The following LRP1B variants were observed in gnomAD, a reference collection of about 807,000 sequenced individuals.
LRP1B encodes low-density lipoprotein receptor-related protein 1B.
In LRP1B, 217 loss-of-function variants were observed where a neutral mutation model predicts 556.6. That is an observed-to-expected ratio of 0.39 (90% CI 0.35 to 0.44). The LOEUF is 0.44. LRP1B is among the 20% of genes least tolerant of loss of function. The probability of loss-of-function intolerance (pLI) is 1.00; values close to 1 mark genes in which losing one functional copy is unlikely to be tolerated. For missense variants in LRP1B, 5,053 were observed against 5,620.8 expected, an observed-to-expected ratio of 0.90 and a Z score of 3.23; for synonymous variants, 2,047 against 1,865.8, an observed-to-expected ratio of 1.10 and a Z score of -2.50.
chr2:140,457,766 C>T, intron 60 of LRP1B, 115 bp from the exon 61 acceptor site: 2 of 792,114 alleles, frequency 2.5e-6, no homozygotes, highest in Non-Finnish European at 4.0e-6. Flanking sequence ...TGAATAATTG[C>T]TGTGACAACC....
At chr2:141,654,287 A>C (rs1365171492) in intron 2 of LRP1B, among the ~76,000 whole-genome samples, 1 of 152,176 alleles carries the variant, frequency 6.6e-6, no homozygotes, top group Non-Finnish European at 1.5e-5. Context: ...CCCTTTGTAA[A>C]GTGTTTTACA....
intron 1 of LRP1B, among the ~76,000 whole-genome samples, chr2:142,105,648 T>C (rs1199660753): frequency 6.6e-6 from 1 of 152,178 alleles, no homozygotes; most frequent in Non-Finnish European, 1.5e-5. Flanking sequence ...GTAGAGAAAA[T>C]TAATTAGCAC....
rs1181060336 is a variant in LRP1B at position 140,336,729 on chromosome 2, T to C, written c.11893-891A>G. On this transcript the variant is annotated intron_variant, in intron 77 of 90. Coordinates refer to ENST00000389484, the MANE Select transcript of LRP1B (RefSeq NM_018557.3). Reference sequence around the variant, plus strand: ...GGATTATCTTAACATTCTGTTTTACTGTATTACTGTGAGACAAAGGTAGCA... The same window carrying C: ...GGATTATCTTAACATTCTGTTTTACCGTATTACTGTGAGACAAAGGTAGCA... Among the ~76,000 whole-genome samples, 5 of 151,978 alleles carry C rather than the reference T, an allele frequency of 3.3e-5. No homozygotes were observed. The East Asian group carries it at 9.7e-4, about 29-fold the overall frequency.
At chr2:140,263,510 T>G (rs565999189) in intron 86 of LRP1B, among the ~76,000 whole-genome samples, 2 of 152,112 alleles carry the variant, frequency 1.3e-5, no homozygotes, top group South Asian at 4.1e-4. Context: ...CGCTTAACAA[T>G]TCCTTCAATT....
intron 2 of LRP1B, among the ~76,000 whole-genome samples, chr2:141,799,975 C>G (rs1695954854): frequency 6.6e-6 from 1 of 152,122 alleles, no homozygotes; most frequent in East Asian, 1.9e-4. Flanking sequence ...CATATATACT[C>G]TTATGATCAT....
chr2:141,775,858 T>TTTTC (rs1278022828), intron 2 of LRP1B, among the ~76,000 whole-genome samples: 2 of 151,450 alleles, frequency 1.3e-5, no homozygotes, highest in South Asian at 2.1e-4. Flanking sequence ...TTTTTTTTTT[T>TTTTC]CTGAGACGGA....
At chr2:140,348,827 T>C (rs1440628927) in intron 77 of LRP1B, among the ~76,000 whole-genome samples, 1 of 152,118 alleles carries the variant, frequency 6.6e-6, no homozygotes, top group Non-Finnish European at 1.5e-5. Context: ...TGAGTGAATT[T>C]GGCTTCTAAT....
At chr2:140,617,082 G>C (rs749876361) in intron 41 of LRP1B, among the ~76,000 whole-genome samples, 1 of 151,904 alleles carries the variant, frequency 6.6e-6, no homozygotes, top group Non-Finnish European at 1.5e-5. Flanking sequence ...ATAATATCTA[G>C]TCAATAGTAT....
chr2:141,499,904 A>G (rs978010133), intron 2 of LRP1B, among the ~76,000 whole-genome samples: 5 of 151,998 alleles, frequency 3.3e-5, no homozygotes, highest in Non-Finnish European at 7.4e-5. Context: ...TTTTTTTAGA[A>G]CACATTTAGA....
chr2:141,644,292 A>G (rs1055330038), intron 2 of LRP1B, among the ~76,000 whole-genome samples: 1 of 151,996 alleles, frequency 6.6e-6, no homozygotes, highest in Non-Finnish European at 1.5e-5. Context: ...TTCTTATGAT[A>G]GTGAATAAGT....
chr2:141,238,309 A>G (rs1424768933), intron 5 of LRP1B, among the ~76,000 whole-genome samples: 5 of 152,138 alleles, frequency 3.3e-5, no homozygotes, highest in African/African-American at 1.2e-4. Context: ...TATGTTATAG[A>G]TTAGTAATAT....
intron 1 of LRP1B, among the ~76,000 whole-genome samples, chr2:141,933,566 T>C (rs1700559543): frequency 6.6e-6 from 1 of 152,056 alleles, no homozygotes; most frequent in Admixed American, 6.6e-5. Context: ...GAACAAAAAA[T>C]AAATCTCAAT....
chr2:140,699,642 T>C (rs1192444936), intron 41 of LRP1B, among the ~76,000 whole-genome samples: 2 of 151,466 alleles, frequency 1.3e-5, no homozygotes, highest in Non-Finnish European at 2.9e-5. Context: ...TAAACTTGAA[T>C]GACAGGAAAA....
chr2:141,549,995 G>A (rs546884932), intron 2 of LRP1B, among the ~76,000 whole-genome samples: 33 of 152,148 alleles, frequency 2.2e-4, no homozygotes, highest in South Asian at 4.1e-4. Context: ...ACCCTGTCTC[G>A]GAAAAAGAAA....
intron 11 of LRP1B, among the ~76,000 whole-genome samples, chr2:141,046,418 G>A (rs983507377): frequency 4.2e-4 from 64 of 152,068 alleles, no homozygotes; most frequent in African/African-American, 1.4e-4. Context: ...GCTTTGACAC[G>A]TTAATCTCAT....
intron 3 of LRP1B, among the ~76,000 whole-genome samples, chr2:141,403,220 T>G (rs1573905783): frequency 6.6e-6 from 1 of 152,130 alleles, no homozygotes; most frequent in South Asian, 2.1e-4. Flanking sequence ...AATGTGAGCC[T>G]AAGAGTGTTT....
At chr2:141,981,611 T>C (rs766359439) in intron 1 of LRP1B, among the ~76,000 whole-genome samples, 3 of 152,068 alleles carry the variant, frequency 2.0e-5, no homozygotes, top group Non-Finnish European at 2.9e-5. Flanking sequence ...ACATTCTAGG[T>C]GCTGCACAGA....
At chr2:142,010,357 A>G (rs1158661044) in intron 1 of LRP1B, among the ~76,000 whole-genome samples, 1 of 151,982 alleles carries the variant, frequency 6.6e-6, no homozygotes, top group Admixed American at 6.6e-5. Flanking sequence ...GATCGAGACC[A>G]TCCTGGCTAA....
At chr2:141,241,798 C>T (rs1340369562) in intron 5 of LRP1B, among the ~76,000 whole-genome samples, 1 of 151,994 alleles carries the variant, frequency 6.6e-6, no homozygotes, top group Non-Finnish European at 1.5e-5. Context: ...TCTGTCATTA[C>T]TATGCTGGTG....
Sources: gnomAD v4.1 joint callset for allele counts (sites outside exome capture counted in the v4.1 genomes callset) on GRCh38, gnomAD v4.1.1 for gene constraint, MANE v1.5 for transcripts, NCBI Gene and HGNC (gene_info 2026-07-23, HGNC 2026-07-21) for gene names.